The following RFTN1 variants were observed in gnomAD, a reference collection of about 807,000 sequenced individuals.
The protein encoded by RFTN1 is raftlin, lipid raft linker 1.
RFTN1 carries 26 observed loss-of-function variants against 46.5 expected under a neutral mutation model. The ratio of observed to expected loss-of-function variants is 0.56; its 90% CI spans 0.41 to 0.78. RFTN1 has a LOEUF of 0.78. Among genes scored for constraint, RFTN1 ranks in the 30% least tolerant of loss-of-function variants. The probability of loss-of-function intolerance (pLI) is 0.00; values close to 1 mark genes in which losing one functional copy is unlikely to be tolerated. For synonymous variants in RFTN1, 261 were observed against 284.2 expected, an observed-to-expected ratio of 0.92 and a Z score of 0.82; for missense variants, 693 against 718.7, an observed-to-expected ratio of 0.96 and a Z score of 0.41.
chr3:16,491,746 C>CA (rs1185734184), intron 2 of RFTN1, among the ~76,000 whole-genome samples: 3 of 146,646 alleles, frequency 2.0e-5, no homozygotes, highest in African/African-American at 7.6e-5. Flanking sequence ...AACCACGATG[C>CA]AAAAAACAAA....
chr3:16,494,190 A>T (rs958549383), intron 1 of RFTN1, among the ~76,000 whole-genome samples: 1 of 152,092 alleles, frequency 6.6e-6, no homozygotes, highest in Non-Finnish European at 1.5e-5. Flanking sequence ...CCTCAGTTCC[A>T]CTATAATCTG....
chr3:16,443,962 G>A lies in RFTN1; in HGVS notation c.146-9925C>T, dbSNP rs2075679927. Among the ~76,000 whole-genome samples, 1 of 152,114 alleles carries A rather than the reference G, an allele frequency of 6.6e-6. No homozygotes were observed. The highest frequency in any genetic ancestry group is 2.1e-4 in the South Asian group (1 of 4,828). On this transcript the variant is annotated intron_variant, in intron 2 of 9. Coordinates refer to ENST00000334133, the MANE Select transcript of RFTN1 (RefSeq NM_015150.2). The surrounding 1 kb of genome is among the most constrained non-coding windows in gnomAD (Gnocchi z 5.5). ...CAAGAAGCCTTTTTAAGAAACACCA[G>A]GTCCCCTGATGCTTAGGTTTAGTAG...
At chr3:16,355,116 T>C (rs749776419) in intron 7 of RFTN1, among the ~76,000 whole-genome samples, 1 of 152,228 alleles carries the variant, frequency 6.6e-6, no homozygotes, top group African/African-American at 2.4e-5. Flanking sequence ...CCTCTTCTTC[T>C]GAGCCCTCAA....
At chr3:16,378,124 G>A in intron 4 of RFTN1, 22 bp from the exon 5 acceptor site, 2 of 1,594,848 alleles carry the variant, frequency 1.3e-6, no homozygotes, top group Non-Finnish European at 1.7e-6. Flanking sequence ...ACAAAAGGAA[G>A]GGAAACAAGT....
At chr3:16,331,052 C>G (rs1272105087) in intron 7 of RFTN1, among the ~76,000 whole-genome samples, 1 of 152,192 alleles carries the variant, frequency 6.6e-6, no homozygotes, top group African/African-American at 2.4e-5. Flanking sequence ...TTTGATTTCC[C>G]TTGTCTGAAA....
intron 6 of RFTN1, among the ~76,000 whole-genome samples, chr3:16,368,495 C>A (rs1322617208): frequency 6.6e-6 from 1 of 152,154 alleles, no homozygotes; most frequent in Non-Finnish European, 1.5e-5. Context: ...CACAGCGAAA[C>A]CCCATCTCTA....
rs986437218 is a variant in RFTN1, at chr3:16,484,567, C to T, written c.145+9158G>A. The stretch of plus-strand genomic sequence containing the variant: ...AAATGCAGCAGTGTGGAATGATCCT[C>T]GAAATTGTAATGCGTGTCATGGGAA... On this transcript the variant is annotated intron_variant, in intron 2 of 9. Coordinates refer to ENST00000334133, the MANE Select transcript of RFTN1 (RefSeq NM_015150.2). This position sits in a 1 kb window ranked among gnomAD's most constrained non-coding sequence, Gnocchi z 4.6. 1.3e-5 allele frequency: 2 copies of T among 152,060 alleles called. No homozygotes were observed. The highest frequency in any genetic ancestry group is 2.9e-5 in the Non-Finnish European group (2 of 68,016). The allele number at this position is 152,060 out of a possible 1,614,324, so 9.4% of individuals were successfully genotyped here.
At chr3:16,464,772 T>C (rs1193876540) in intron 2 of RFTN1, among the ~76,000 whole-genome samples, 1 of 152,246 alleles carries the variant, frequency 6.6e-6, no homozygotes, top group Non-Finnish European at 1.5e-5. Flanking sequence ...CAAAAGCTGT[T>C]GCAGATTTAA....
intron 7 of RFTN1, chr3:16,349,381 G>T (rs577109688): frequency 6.6e-6 from 1 of 152,210 alleles, no homozygotes; most frequent in African/African-American, 2.4e-5. Context: ...AGGACAGAAG[G>T]GGGTACCTGA....
Position 16,400,138 on chromosome 3 carries a change from A to C in RFTN1, c.441+9237T>G, listed in dbSNP as rs569054223. Among the ~76,000 whole-genome samples the C allele has an allele frequency of 2.0e-5, 3 of 152,264 alleles. No homozygotes were observed. Among genetic ancestry groups the C allele is most frequent in the African/African-American group, 7.2e-5 (3 of 41,554 alleles). The stretch of plus-strand genomic sequence containing the variant: ...ACTTAGGATAAAGGGCCCCATCCTC[A>C]GCCTGGCCTGCAGGGCTGTATGGGG... On this transcript the variant is annotated intron_variant, in intron 4 of 9. Transcript: ENST00000334133. The surrounding 1 kb of genome is among the most constrained non-coding windows in gnomAD (Gnocchi z 4.5).
Position 16,473,832 on chromosome 3 carries a change from T to C in RFTN1, c.145+19893A>G, listed in dbSNP as rs565084135. On this transcript the variant is annotated intron_variant, in intron 2 of 9. Transcript: ENST00000334133. The surrounding 1 kb of genome is among the most constrained non-coding windows in gnomAD (Gnocchi z 5.3). ...CCTCCCACTTCTCCCTATCCTTCCC[T>C]GTCCTAGAAGCACGAAACCTACCTC... is the stretch of plus-strand genomic sequence containing the variant. Among the ~76,000 whole-genome samples the C allele has an allele frequency of 4.6e-5, 7 of 152,316 alleles. No individual in the cohort carries two copies. The highest frequency in any genetic ancestry group is 3.3e-4 in the Admixed American group (5 of 15,296).
intron 3 of RFTN1, among the ~76,000 whole-genome samples, chr3:16,414,312 A>C (rs538160516): frequency 6.8e-6 from 1 of 147,902 alleles, no homozygotes; most frequent in East Asian, 2.0e-4. Context: ...AAAAAAAAAG[A>C]AAGAAAGAAA....
At chr3:16,378,550 A>G (rs1009094469) in intron 4 of RFTN1, among the ~76,000 whole-genome samples, 1 of 152,170 alleles carries the variant, frequency 6.6e-6, no homozygotes, top group African/African-American at 2.4e-5. Flanking sequence ...CTATATAACC[A>G]TATACAAACA....
chr3:16,481,156 C>T lies in RFTN1; in HGVS notation c.145+12569G>A, dbSNP rs990262777. On this transcript the variant is annotated intron_variant, in intron 2 of 9. Transcript: ENST00000334133. The surrounding 1 kb of genome is among the most constrained non-coding windows in gnomAD (Gnocchi z 5.1). Reference sequence around the variant, plus strand: ...TGCAAAGGAATGTAAAGAATGCCTTCCTTCCTTTTAAATCTAATCTTATTA... The same window carrying T: ...TGCAAAGGAATGTAAAGAATGCCTTTCTTCCTTTTAAATCTAATCTTATTA... 6.6e-6 allele frequency among the ~76,000 whole-genome samples: 1 copy of T among 152,134 alleles called. No individual in the cohort carries two copies. The highest frequency in any genetic ancestry group is 1.5e-5 in the Non-Finnish European group (1 of 68,042).
chr3:16,373,599 G>T (rs2073615019), intron 5 of RFTN1, among the ~76,000 whole-genome samples: 1 of 152,256 alleles, frequency 6.6e-6, no homozygotes, highest in South Asian at 2.1e-4. Flanking sequence ...TTGAGGGTAA[G>T]CAGGGGACTG....
rs1299246099 is a variant in RFTN1, at chr3:16,508,879, C to T, written c.-9+4563G>A. Among the ~76,000 whole-genome samples the T allele has an allele frequency of 4.6e-5, 7 of 152,252 alleles. No individual in the cohort carries two copies. The East Asian group carries it at 1.4e-3, about 29-fold the overall frequency. On this transcript the variant is annotated intron_variant, in intron 1 of 9. Coordinates refer to ENST00000334133, the MANE Select transcript of RFTN1 (RefSeq NM_015150.2). ...CAGCACTGTCAAACAGAACTTTCAG[C>T]AATGATGAAACTACTATCTGTGCTA...
In RFTN1 at chr3:16,424,607, C is replaced by T. The variant is rs192083655; in HGVS notation, c.332+9244G>A. 7.2e-4 allele frequency among the ~76,000 whole-genome samples: 110 copies of T among 152,030 alleles called. 1 individual carries two copies. Among genetic ancestry groups the T allele is most frequent in the Non-Finnish European group, 1.3e-3 (87 of 67,992 alleles). On this transcript the variant is annotated intron_variant, in intron 3 of 9. Transcript: ENST00000334133. The surrounding 1 kb of genome is among the most constrained non-coding windows in gnomAD (Gnocchi z 4.7). ...GCCATTTTAAGTTCCAACTCATGGT[C>T]GATGATAGGAAGTGAATGAAATGAT... is the stretch of plus-strand genomic sequence containing the variant.
rs1003924162 is a variant in RFTN1 at position 16,334,044 on chromosome 3, A to T, written c.1147-7168T>A. On this transcript the variant is annotated intron_variant, in intron 7 of 9. Coordinates refer to ENST00000334133, the MANE Select transcript of RFTN1 (RefSeq NM_015150.2). The surrounding 1 kb of genome is among the most constrained non-coding windows in gnomAD (Gnocchi z 4.3). ...GCCGGGCATGGTGGCGGGTGCCTGT[A>T]GTCCCAGCTACTTGGGAGGCTGAGG... Among the ~76,000 whole-genome samples the T allele has an allele frequency of 2.0e-5, 3 of 152,188 alleles. No homozygotes were observed. Among genetic ancestry groups the T allele is most frequent in the Admixed American group, 2.0e-4 (3 of 15,274 alleles).
chr3:16,374,211 A>C lies in RFTN1; in HGVS notation c.826+3507T>G, dbSNP rs1018868096. ...GTGCTAAGTGGATCCCCCAGAAATC[A>C]CAAGCCAGTAAGTGGCACAGCCAAG... On this transcript the variant is annotated intron_variant, in intron 5 of 9. Transcript: ENST00000334133. This position sits in a 1 kb window ranked among gnomAD's most constrained non-coding sequence, Gnocchi z 5.4. Among the ~76,000 whole-genome samples, 11 of 152,222 alleles carry C rather than the reference A, an allele frequency of 7.2e-5. No individual in the cohort carries two copies. The highest frequency in any genetic ancestry group is 1.3e-4 in the Non-Finnish European group (9 of 68,028).
Sources: gnomAD v4.1 joint callset for allele counts (sites outside exome capture counted in the v4.1 genomes callset) on GRCh38, gnomAD v4.1.1 for gene constraint, Gnocchi (gnomAD v3.1) non-coding constraint, MANE v1.5 for transcripts, NCBI Gene and HGNC (gene_info 2026-07-23, HGNC 2026-07-21) for gene names.